KATNBL1: variants seen among roughly 807,000 people sequenced by gnomAD.
KATNBL1 encodes the protein katanin regulatory subunit B1 like 1.
Under a neutral mutation model 44.7 loss-of-function variants are expected in KATNBL1, and 28 were observed. That is an observed-to-expected ratio of 0.63 (90% CI 0.46 to 0.86). KATNBL1 has a LOEUF of 0.86. Ranked by LOEUF, KATNBL1 falls within the 40% of genes least tolerant of loss-of-function variation. The pLI is 0.00. For missense variants in KATNBL1, 272 were observed against 350.7 expected (o/e 0.78, Z 1.79); for synonymous variants, 78 against 114.9 (o/e 0.68, Z 2.06).
intron 2 of KATNBL1, among the ~76,000 whole-genome samples, chr15:34,159,021 GCTCT>G (rs759688740): frequency 1.3e-4 from 20 of 152,270 alleles, no homozygotes; most frequent in Non-Finnish European, 2.4e-4. Context: ...TTAAATCAAC[GCTCT>G]CTAACAGGAT....
chr15:34,180,627 A>G (rs1161332974), intron 1 of KATNBL1, among the ~76,000 whole-genome samples: 1 of 152,160 alleles, frequency 6.6e-6, no homozygotes, highest in Admixed American at 6.5e-5. Context: ...CAACACATCT[A>G]AATCTCTTCA....
chr15:34,142,451 C>A, intron 9 of KATNBL1, 80 bp from the exon 10 acceptor site: 1 of 1,433,434 alleles, frequency 7.0e-7, no homozygotes, highest in East Asian at 2.5e-5. Flanking sequence ...TTTGTTGTTG[C>A]TTAATTTGCC....
intron 1 of KATNBL1, among the ~76,000 whole-genome samples, chr15:34,183,827 A>T (rs1476198422): frequency 1.3e-5 from 2 of 152,222 alleles, no homozygotes; most frequent in African/African-American, 4.8e-5. Context: ...AAAACTTAAG[A>T]AACTACCACA....
chr15:34,147,346 A>G (rs770241291), intron 6 of KATNBL1, 34 bp downstream of exon 6: 12 of 1,606,368 alleles, frequency 7.5e-6, no homozygotes, highest in Non-Finnish European at 1.0e-5. Flanking sequence ...ACCTCCTTTA[A>G]TCTTATTTTT....
Position 34,153,009 on chromosome 15 carries a change from C to T in KATNBL1, c.219G>A (p.Lys73=). The T allele has an allele frequency of 6.2e-7, 1 of 1,613,768 alleles. No individual in the cohort carries two copies. The highest frequency in any genetic ancestry group is 2.2e-5 in the East Asian group (1 of 44,878). The change falls in exon 4 of 10, where the codon AAG becomes AAA. Residue 73 remains lysine (K), a synonymous_variant. Coordinates refer to ENST00000256544, the MANE Select transcript of KATNBL1 (RefSeq NM_024713.3). ...DKLRKVIYRR[K]KVHHPFPNPC... is the part of the protein sequence containing the mutation. ...GATTTGGAAAGGGATGATGAACTTT[C>T]TTTCTGCGATAGATCACTTTACGAA...
chr15:34,154,563 G>T, intron 3 of KATNBL1, 81 bp downstream of exon 3: 1 of 852,838 alleles, frequency 1.2e-6, no homozygotes, highest in South Asian at 1.4e-5. Context: ...TATGATAAAA[G>T]AATGCTTATT....
intron 1 of KATNBL1, among the ~76,000 whole-genome samples, chr15:34,203,631 C>G (rs916012244): frequency 1.3e-5 from 2 of 152,220 alleles, no homozygotes; most frequent in African/African-American, 4.8e-5. Flanking sequence ...AGACTGTGAG[C>G]TCCATGAGAG....
intron 1 of KATNBL1, among the ~76,000 whole-genome samples, chr15:34,170,176 A>G (rs1385264193): frequency 2.0e-5 from 3 of 152,344 alleles, no homozygotes; most frequent in Middle Eastern, 3.4e-3. Context: ...ACATGATTGT[A>G]TATTTAGAAA....
chr15:34,164,728 A>G (rs553529541), intron 1 of KATNBL1, among the ~76,000 whole-genome samples: 1 of 152,348 alleles, frequency 6.6e-6, no homozygotes, highest in Non-Finnish European at 1.5e-5. Context: ...TTCTTTAAAC[A>G]TCTACTAAGC....
intron 1 of KATNBL1, among the ~76,000 whole-genome samples, chr15:34,205,026 G>A (rs928885658): frequency 6.2e-5 from 9 of 145,372 alleles, no homozygotes; most frequent in East Asian, 2.0e-4. Context: ...ATGGAGTCTC[G>A]CTCTGTTGCC....
chr15:34,151,367 A>AT (rs150093317), intron 4 of KATNBL1, among the ~76,000 whole-genome samples: 2,941 of 142,056 alleles, frequency 0.021, 101 homozygotes, highest in African/African-American at 0.073. Flanking sequence ...TAGGCTGAGC[A>AT]TTTTTTCATA....
intron 1 of KATNBL1, 30 bp downstream of exon 1, chr15:34,209,921 G>T (rs889300020): frequency 1.1e-4 from 16 of 151,910 alleles, no homozygotes; most frequent in African/African-American, 3.9e-4. Context: ...CTGCGGGCGC[G>T]GGGCTCGCAC....
At chr15:34,163,515 A>C in intron 2 of KATNBL1, 45 bp downstream of exon 2, 1 of 1,566,164 alleles carries the variant, frequency 6.4e-7, no homozygotes, top group Non-Finnish European at 8.6e-7. Context: ...TAGAGACCTA[A>C]CCGTTTAAAT....
intron 9 of KATNBL1, among the ~76,000 whole-genome samples, chr15:34,144,270 A>C (rs1426124745): frequency 3.3e-5 from 5 of 151,976 alleles, no homozygotes; most frequent in Admixed American, 6.5e-5. Flanking sequence ...TTGGAGTAGA[A>C]GCCAGATTAT....
At chr15:34,154,789 T>G in intron 2 of KATNBL1, 105 bp from the exon 3 acceptor site, 2 of 757,074 alleles carry the variant, frequency 2.6e-6, no homozygotes, top group South Asian at 3.0e-5. Context: ...AATTTACTTC[T>G]GCAGAAGGGT....
chr15:34,144,593 C>T (rs1205519376), intron 9 of KATNBL1, among the ~76,000 whole-genome samples: 4 of 147,870 alleles, frequency 2.7e-5, no homozygotes, highest in South Asian at 4.2e-4. Flanking sequence ...TTTTTTGAGA[C>T]GGAGTTTCAC....
chr15:34,151,203 C>T (rs1888458784), intron 4 of KATNBL1, among the ~76,000 whole-genome samples: 1 of 152,118 alleles, frequency 6.6e-6, no homozygotes, highest in South Asian at 2.1e-4. Context: ...TACATTGTCA[C>T]CAGCATTGTA....
In KATNBL1 at chr15:34,193,365, C is replaced by T. The variant is rs186712915; in HGVS notation, c.-15+16586G>A. On this transcript the variant is annotated intron_variant, in intron 1 of 9. Transcript: ENST00000256544. The stretch of plus-strand genomic sequence containing the variant: ...CCTGGCCAATATGGCAAAATCCCAT[C>T]TCTACTAAAAATACAAAAATTAGGC... Among the ~76,000 whole-genome samples the T allele has an allele frequency of 5.4e-3, 817 of 152,042 alleles. 9 individuals are homozygous for T. The highest frequency in any genetic ancestry group is 0.019 in the African/African-American group (771 of 41,458).
intron 1 of KATNBL1, among the ~76,000 whole-genome samples, chr15:34,187,268 T>C (rs1326414136): frequency 2.0e-5 from 3 of 152,124 alleles, no homozygotes; most frequent in Non-Finnish European, 2.9e-5. Flanking sequence ...AGCCACTCTC[T>C]CCAGGGCCTC....
Sources: allele counts gnomAD v4.1 joint callset (sites outside exome capture counted in the v4.1 genomes callset), GRCh38; gene constraint gnomAD v4.1.1; transcripts MANE v1.5; gene names NCBI Gene and HGNC (gene_info 2026-07-23, HGNC 2026-07-21).